Variants in B4GALNT3 observed in about 807,000 individuals in gnomAD.
B4GALNT3 encodes the protein beta-1,4-N-acetyl-galactosaminyltransferase 3.
B4GALNT3 carries 86 observed loss-of-function variants against 120.2 expected under a neutral mutation model. That is an observed-to-expected ratio of 0.72 (90% CI 0.60 to 0.86). B4GALNT3 has a LOEUF of 0.86. Among genes scored for constraint, B4GALNT3 ranks in the 40% least tolerant of loss-of-function variants. The probability of loss-of-function intolerance (pLI) is 0.00; values close to 1 mark genes in which losing one functional copy is unlikely to be tolerated. For synonymous variants in B4GALNT3, 518 were observed against 510.4 expected, an observed-to-expected ratio of 1.01 and a Z score of -0.20; for missense variants, 1,167 against 1,298.9, an observed-to-expected ratio of 0.90 and a Z score of 1.56.
chr12:468,776 C>T (rs965681177), intron 1 of B4GALNT3, among the ~76,000 whole-genome samples: 4 of 152,224 alleles, frequency 2.6e-5, no homozygotes, highest in African/African-American at 4.8e-5. Flanking sequence ...GAATAGACTT[C>T]ATGTGTCTCT....
intron 1 of B4GALNT3, among the ~76,000 whole-genome samples, chr12:527,922 G>GGT (rs375254687): frequency 0.014 from 2,108 of 151,318 alleles, 42 homozygotes; most frequent in African/African-American, 0.047. Context: ...ATGGTCTGGG[G>GGT]GTGTGTGTGT....
chr12:512,943 C>A (rs577192785), intron 1 of B4GALNT3, among the ~76,000 whole-genome samples: 67 of 147,878 alleles, frequency 4.5e-4, no homozygotes, highest in South Asian at 1.1e-3. Flanking sequence ...CCACCTTCCA[C>A]CTTCTTCCAC....
At chr12:480,151 G>A (rs215218) in intron 1 of B4GALNT3, among the ~76,000 whole-genome samples, 134,823 of 151,714 alleles carry the variant, frequency 0.89, 60,230 homozygotes, top group Middle Eastern at 0.96. Flanking sequence ...TCCTGACCTC[G>A]TGATCCGCCC....
intron 17 of B4GALNT3, 57 bp from the exon 18 acceptor site, chr12:558,451 C>G (rs1947185855): frequency 6.4e-7 from 1 of 1,554,038 alleles, no homozygotes; most frequent in African/African-American, 1.4e-5. Flanking sequence ...AGACGGCGAC[C>G]TGACCTCCTA....
At chr12:499,028 C>T (rs1946415627) in intron 1 of B4GALNT3, among the ~76,000 whole-genome samples, 1 of 152,274 alleles carries the variant, frequency 6.6e-6, no homozygotes, top group African/African-American at 2.4e-5. Context: ...ACAGAGAGGA[C>T]ACAAAATCTG....
chr12:468,276 A>T (rs897629390), intron 1 of B4GALNT3, among the ~76,000 whole-genome samples: 1 of 152,244 alleles, frequency 6.6e-6, no homozygotes, highest in Admixed American at 6.5e-5. Context: ...TGATAAGCAG[A>T]TGTTGGATTC....
intron 1 of B4GALNT3, among the ~76,000 whole-genome samples, chr12:512,946 TCTTCCAC>T (rs1183156469): frequency 4.7e-4 from 55 of 116,674 alleles, no homozygotes; most frequent in Non-Finnish European, 8.7e-4. Flanking sequence ...CCTTCCACCT[TCTTCCAC>T]CTTCCACCTT....
intron 1 of B4GALNT3, among the ~76,000 whole-genome samples, chr12:497,823 C>G (rs770410759): frequency 2.0e-5 from 3 of 152,136 alleles, no homozygotes; most frequent in Non-Finnish European, 4.4e-5. Context: ...GCCCTGCATC[C>G]CTGGGCTGTT....
chr12:547,164 C>T (rs932498955), intron 7 of B4GALNT3, among the ~76,000 whole-genome samples: 1 of 151,892 alleles, frequency 6.6e-6, no homozygotes, highest in Non-Finnish European at 1.5e-5. Flanking sequence ...GCGGGCGTTG[C>T]TGGGCGTTGC....
intron 13 of B4GALNT3, 36 bp downstream of exon 13, chr12:552,564 G>C (rs751891050): frequency 3.1e-6 from 5 of 1,597,424 alleles, no homozygotes; most frequent in Middle Eastern, 1.7e-4. Context: ...AGGTCAGGCT[G>C]AGAGGGGCGA....
intron 1 of B4GALNT3, among the ~76,000 whole-genome samples, chr12:527,801 A>T (rs536707687): frequency 1.3e-4 from 20 of 152,270 alleles, no homozygotes; most frequent in African/African-American, 4.8e-4. Flanking sequence ...CTCATGTCCA[A>T]TTCTCCAGCT....
chr12:512,659 T>TCTTCCAC (rs879362380), intron 1 of B4GALNT3, among the ~76,000 whole-genome samples: 6,051 of 86,588 alleles, frequency 0.07, 551 homozygotes, highest in Non-Finnish European at 0.098. Flanking sequence ...CCTTCCACCT[T>TCTTCCAC]CTTCCACCTT....
At chr12:527,407 C>T (rs563659039) in intron 1 of B4GALNT3, among the ~76,000 whole-genome samples, 22 of 152,216 alleles carry the variant, frequency 1.4e-4, no homozygotes, top group Non-Finnish European at 2.6e-4. Context: ...GCCTGTAGCT[C>T]GCAAACCTCA....
intron 1 of B4GALNT3, among the ~76,000 whole-genome samples, chr12:507,644 A>G (rs956049534): frequency 1.3e-5 from 2 of 152,204 alleles, no homozygotes; most frequent in African/African-American, 4.8e-5. Context: ...TTTACATACA[A>G]GAGTTTACAT....
At position 556,361 on chromosome 12, in the gene B4GALNT3, CAA is replaced by C. The variant is rs199949342; in HGVS notation, c.2061-184_2061-183del. On this transcript the variant is annotated intron_variant, in intron 14 of 19. Transcript: ENST00000266383. ...CATCACAGCTCAACAGGTACATTTT[CAA>C]AGAGGGAGGCAGCGAACCCTAGAGA... is the stretch of plus-strand genomic sequence containing the variant. Among the ~76,000 whole-genome samples the C allele has an allele frequency of 5.8e-3, 780 of 133,386 alleles. 6 individuals are homozygous for C. Among genetic ancestry groups the C allele is most frequent in the African/African-American group, 0.019 (722 of 38,898 alleles). The allele number at this position is 133,386 out of a possible 152,430, so 87.5% of individuals were successfully genotyped here. A position where few individuals can be genotyped will look rare whatever the true frequency, so the allele number is the denominator to read the frequency against.
intron 1 of B4GALNT3, among the ~76,000 whole-genome samples, chr12:511,802 TCTTCCACCTTCTTCCACCTTCCAC>T (rs1946571002): frequency 3.1e-5 from 1 of 32,060 alleles, no homozygotes; most frequent in Admixed American, 3.7e-4. Flanking sequence ...CCTTCCACCT[TCTTCCACCTTCTTCCACCTTCCAC>T]CTTCCACCTT....
chr12:476,560 G>A (rs1946187684), intron 1 of B4GALNT3, among the ~76,000 whole-genome samples: 1 of 152,182 alleles, frequency 6.6e-6, no homozygotes. Context: ...GTAGTGAGCT[G>A]TGATCACGCC....
intron 1 of B4GALNT3, among the ~76,000 whole-genome samples, chr12:470,694 A>G (rs1295964118): frequency 2.6e-5 from 4 of 152,172 alleles, no homozygotes; most frequent in Admixed American, 2.6e-4. Context: ...AGGGAACGAA[A>G]TGGAGGGAGA....
intron 5 of B4GALNT3, 103 bp downstream of exon 5, chr12:545,075 G>A (rs1235067961): frequency 1.3e-6 from 2 of 1,496,354 alleles, no homozygotes; most frequent in Non-Finnish European, 1.8e-6. Context: ...CTAACTTCCT[G>A]TTAGTCCACC....
Sources: allele counts gnomAD v4.1 joint callset (sites outside exome capture counted in the v4.1 genomes callset), GRCh38; gene constraint gnomAD v4.1.1; transcripts MANE v1.5; gene names NCBI Gene and HGNC (gene_info 2026-07-23, HGNC 2026-07-21).